The following PRRC2C variants were observed in gnomAD, a reference collection of about 807,000 sequenced individuals.
PRRC2C encodes the protein protein PRRC2C.
Under a neutral mutation model 317.2 loss-of-function variants are expected in PRRC2C, and 72 were observed. That is an observed-to-expected ratio of 0.23 (90% confidence interval 0.19 to 0.28). The LOEUF (loss-of-function observed/expected upper bound fraction) is 0.28. Ranked by LOEUF, PRRC2C falls within the 10% of genes least tolerant of loss-of-function variation. The pLI is 1.00. For missense variants in PRRC2C, 3,074 were observed against 3,459.7 expected (o/e 0.89, Z 2.80); for synonymous variants, 1,296 against 1,205.9 (o/e 1.07, Z -1.55).
chr1:171,543,143 G>A (rs1235354719), intron 16 of PRRC2C, among the ~76,000 whole-genome samples: 1 of 150,266 alleles, frequency 6.7e-6, no homozygotes, highest in Non-Finnish European at 1.5e-5. Flanking sequence ...GCCAAGTTGG[G>A]CGGGTCACAA....
intron 10 of PRRC2C, among the ~76,000 whole-genome samples, chr1:171,525,660 A>G (rs926555337): frequency 2.0e-5 from 3 of 152,232 alleles, no homozygotes; most frequent in Non-Finnish European, 4.4e-5. Flanking sequence ...AAGCAGTTAC[A>G]GTGTGCTAAG....
intron 25 of PRRC2C, among the ~76,000 whole-genome samples, chr1:171,576,589 T>A (rs1685730765): frequency 6.6e-6 from 1 of 152,258 alleles, no homozygotes; most frequent in African/African-American, 2.4e-5. Flanking sequence ...TTCTATTTAC[T>A]TATTAAGTAG....
chr1:171,587,200 C>A lies in PRRC2C; in HGVS notation c.7947C>A (p.Ser2649Arg). The A allele has an allele frequency of 1.2e-6, 2 of 1,604,652 alleles. No homozygotes were observed. The highest frequency in any genetic ancestry group is 1.7e-6 in the Non-Finnish European group (2 of 1,175,342). The change falls in exon 31 of 35, where the codon AGC becomes AGA. Residue 2649 changes from serine to arginine, a missense_variant. Coordinates refer to ENST00000647382, the MANE Select transcript of PRRC2C (RefSeq NM_001387844.1). The stretch of plus-strand genomic sequence containing the variant: ...TAATTCCTGCTGGAACACAGCATAG[C>A]ATGATTGCAACCACAGGAAAAGTAA... The part of the protein sequence containing the change: ...RGLIPAGTQH[S>R]MIATTGKMSE...
intron 25 of PRRC2C, 32 bp from the exon 26 acceptor site, chr1:171,577,402 A>G: frequency 2.0e-6 from 3 of 1,518,410 alleles, no homozygotes; most frequent in Non-Finnish European, 2.7e-6. Flanking sequence ...AATATGCTCT[A>G]TTTTCCCCTT....
At chr1:171,548,332 A>T (rs1476004171) in intron 17 of PRRC2C, among the ~76,000 whole-genome samples, 1 of 152,172 alleles carries the variant, frequency 6.6e-6, no homozygotes, top group East Asian at 1.9e-4. Flanking sequence ...TGTTAATGCT[A>T]AGTTTTAACT....
At chr1:171,505,064 G>C (rs986096410) in intron 1 of PRRC2C, among the ~76,000 whole-genome samples, 4 of 123,672 alleles carry the variant, frequency 3.2e-5, no homozygotes, top group Non-Finnish European at 5.0e-5. Flanking sequence ...TTTCACTCTT[G>C]TTGCCCAGGC....
rs776334301 is a variant in PRRC2C at position 171,540,333 on chromosome 1, T to C, written c.2867T>C (p.Ile956Thr). The change falls in exon 16 of 35, where the codon ATT becomes ACT. Residue 956 changes from isoleucine (I) to threonine (T), a missense_variant. Ile to Thr is a moderately conservative substitution (Grantham distance 89). Transcript: ENST00000647382. ...ATTCCTAAAGTAACCAGCAGATGCA[T>C]TGATTCAAAAGAACCAATAGAAAGG... The part of the protein sequence containing the change: ...AGIPKVTSRC[I>T]DSKEPIERPE... 1.2e-6 allele frequency: 2 copies of C among 1,613,440 alleles called. No homozygotes were observed. The highest frequency in any genetic ancestry group is 4.5e-5 in the East Asian group (2 of 44,864).
intron 28 of PRRC2C, 132 bp from the exon 29 acceptor site, chr1:171,583,824 G>C (rs1283349004): frequency 1.4e-6 from 1 of 706,374 alleles, no homozygotes; most frequent in Admixed American, 2.8e-5. Context: ...CAATATATAT[G>C]TGGTCTGTTG....
At chr1:171,584,900 T>C (rs1161115080) in intron 30 of PRRC2C, among the ~76,000 whole-genome samples, 2 of 152,196 alleles carry the variant, frequency 1.3e-5, no homozygotes, top group African/African-American at 4.8e-5. Flanking sequence ...GCCTCCTGTG[T>C]AGCTGGGACT....
intron 34 of PRRC2C, among the ~76,000 whole-genome samples, chr1:171,589,940 C>G (rs1651011273): frequency 1.3e-5 from 2 of 150,026 alleles, no homozygotes; most frequent in South Asian, 4.2e-4. Flanking sequence ...TTTGGAATAG[C>G]AAAGAAGTAA....
At chr1:171,487,767 A>ATAG (rs1488241537) in intron 1 of PRRC2C, among the ~76,000 whole-genome samples, 5 of 152,152 alleles carry the variant, frequency 3.3e-5, no homozygotes, top group Non-Finnish European at 7.3e-5. Flanking sequence ...AGGTCAACTA[A>ATAG]TAGTGGAGGG....
At position 171,592,982 on chromosome 1, in the gene PRRC2C, C is replaced by A. The variant is rs1277289051; in HGVS notation, c.*1135C>A. On this transcript the variant is annotated 3_prime_UTR_variant, in exon 35 of 35. Coordinates refer to ENST00000647382, the MANE Select transcript of PRRC2C (RefSeq NM_001387844.1). ...CTGCTTTATGATACGTAGTAGTGAC[C>A]GTGCTTTATCAGAGCTGTTTTTAAT... The A allele has an allele frequency of 6.6e-6, 1 of 151,908 alleles. No homozygotes were observed. The highest frequency in any genetic ancestry group is 1.5e-5 in the Non-Finnish European group (1 of 67,976). The allele number at this position is 151,908 out of a possible 1,614,324, so 9.4% of individuals were successfully genotyped here.
chr1:171,570,178 G>A (rs1340095549), intron 23 of PRRC2C, among the ~76,000 whole-genome samples: 1 of 152,148 alleles, frequency 6.6e-6, no homozygotes, highest in East Asian at 1.9e-4. Flanking sequence ...TGGTGATTCT[G>A]AACTCAATGT....
intron 6 of PRRC2C, among the ~76,000 whole-genome samples, chr1:171,521,327 T>C (rs1479209785): frequency 1.3e-5 from 2 of 152,226 alleles, no homozygotes; most frequent in Non-Finnish European, 2.9e-5. Flanking sequence ...TTGACCCTTC[T>C]TCCCTTCAAA....
Position 171,577,476 on chromosome 1 carries a change from C to T in PRRC2C, c.6998C>T (p.Thr2333Ile). 6.2e-7 allele frequency: 1 copy of T among 1,612,988 alleles called. No homozygotes were observed. The highest frequency in any genetic ancestry group is 8.5e-7 in the Non-Finnish European group (1 of 1,179,126). The change falls in exon 26 of 35, where the codon ACA (threonine) becomes ATA (isoleucine). Residue 2333 changes from threonine to isoleucine, a missense_variant. This residue lies in a region of PRRC2C where 490 missense variants were observed against 663.1 expected (regional missense o/e 0.74). Coordinates refer to ENST00000647382, the MANE Select transcript of PRRC2C (RefSeq NM_001387844.1). ...YTTSSLSTKS[T>I]TTSDPPNICK... ...ACCTCTTCTTTGAGCACAAAATCTACAACCACATCGGACCCTCCAAATATT... is the reference window on the plus strand; with the variant it reads ...ACCTCTTCTTTGAGCACAAAATCTATAACCACATCGGACCCTCCAAATATT...
intron 1 of PRRC2C, among the ~76,000 whole-genome samples, chr1:171,498,872 G>A (rs948191357): frequency 2.6e-5 from 4 of 152,116 alleles, no homozygotes; most frequent in Non-Finnish European, 5.9e-5. Flanking sequence ...TGCGATCATC[G>A]CTCACTGCAG....
At chr1:171,499,801 A>G (rs2102121609) in intron 1 of PRRC2C, among the ~76,000 whole-genome samples, 1 of 152,326 alleles carries the variant, frequency 6.6e-6, no homozygotes, top group South Asian at 2.1e-4. Context: ...GGGACTCAAA[A>G]AAAGACGAAA....
At chr1:171,553,397 CT>C (rs1680700728) in intron 18 of PRRC2C, among the ~76,000 whole-genome samples, 1 of 151,340 alleles carries the variant, frequency 6.6e-6, no homozygotes, top group Non-Finnish European at 1.5e-5. Context: ...TTTTATTGAT[CT>C]TTTCAAAAAA....
chr1:171,541,876 A>C lies in PRRC2C; in HGVS notation c.4410A>C (p.Pro1470=). The C allele has an allele frequency of 6.2e-7, 1 of 1,613,860 alleles. No individual in the cohort carries two copies. The part of the protein sequence containing the change: ...NGTVNNVAQE[P]VNTLGDISGN... ...CAGTTAATAATGTGGCTCAAGAACC[A>C]GTTAATACTCTTGGGGATATTTCCG... Residue 1470 remains proline (P), a synonymous_variant, in exon 16 of 35, where the codon CCA becomes CCC. Coordinates refer to ENST00000647382, the MANE Select transcript of PRRC2C (RefSeq NM_001387844.1). The surrounding 1 kb of genome is among the most constrained non-coding windows in gnomAD (Gnocchi z 4.1).
Sources: gnomAD v4.1 joint callset for allele counts (sites outside exome capture counted in the v4.1 genomes callset) on GRCh38, gnomAD v4.1.1 for gene constraint, gnomAD v4.1.1 regional missense constraint, Gnocchi (gnomAD v3.1) non-coding constraint, MANE v1.5 for transcripts, NCBI Gene and HGNC (gene_info 2026-07-23, HGNC 2026-07-21) for gene names.